The following YIPF3 variants were observed in gnomAD, a reference collection of about 807,000 sequenced individuals.
YIPF3 encodes the protein protein YIPF3.
In YIPF3, 18 loss-of-function variants were observed where a neutral mutation model predicts 40.3. The ratio of observed to expected loss-of-function variants is 0.45; its 90% confidence interval spans 0.31 to 0.66. YIPF3 has a LOEUF of 0.66. YIPF3 is among the 30% of genes least tolerant of loss of function. The pLI is 0.07. For synonymous variants in YIPF3, 190 were observed against 179.6 expected (o/e 1.06, Z -0.46); for missense variants, 406 against 452.2 (o/e 0.90, Z 0.93).
At chr6:43,515,101 C>G (rs1002731624) in intron 3 of YIPF3, 1 of 350,318 alleles carries the variant, frequency 2.9e-6, no homozygotes, top group African/African-American at 2.2e-5. Context: ...CAGGTTCATG[C>G]CATTCTCCTG....
At chr6:43,516,496 C>G (rs957184698) in intron 1 of YIPF3, 4 of 636,804 alleles carry the variant, frequency 6.3e-6, no homozygotes, top group Non-Finnish European at 1.1e-5. Context: ...CCAAGAATAC[C>G]TTCTTCCTAA....
At chr6:43,516,426 G>A (rs952786594) in intron 1 of YIPF3, 4 of 618,264 alleles carry the variant, frequency 6.5e-6, no homozygotes, top group African/African-American at 3.7e-5. Flanking sequence ...TTCAGCGAAT[G>A]CCAGTGAATC....
chr6:43,513,210 G>A lies in YIPF3; in HGVS notation c.535-10C>T, dbSNP rs1792707904. 4 of 1,613,994 alleles carry A rather than the reference G, an allele frequency of 2.5e-6. No individual in the cohort carries two copies. The African/African-American group carries it at 5.3e-5, about 22-fold the overall frequency. On this transcript the variant is annotated splice_polypyrimidine_tract_variant and intron_variant, in intron 5 of 8. Coordinates refer to ENST00000372422, the MANE Select transcript of YIPF3 (RefSeq NM_015388.4). ...TCAGGGTGCCCTCCCGCTGTGGGGT[G>A]AAGGCTCTATTTAGTCCTAGGAGGC... is the stretch of plus-strand genomic sequence containing the variant.
chr6:43,514,873 TAA>T (rs1023259766), intron 3 of YIPF3, among the ~76,000 whole-genome samples: 9 of 152,092 alleles, frequency 5.9e-5, no homozygotes, highest in Non-Finnish European at 1.2e-4. Flanking sequence ...GTGCTGGGAA[TAA>T]AAAGATAAAC....
intron 2 of YIPF3, 57 bp from the exon 3 acceptor site, chr6:43,515,758 G>A (rs1792800591): frequency 6.2e-7 from 1 of 1,606,726 alleles, no homozygotes; most frequent in South Asian, 1.1e-5. Context: ...AGATCCTGTT[G>A]CCTATTTTCC....
intron 1 of YIPF3, 50 bp downstream of exon 1, chr6:43,516,677 G>C: frequency 3.1e-6 from 5 of 1,601,678 alleles, no homozygotes; most frequent in Non-Finnish European, 3.4e-6. Context: ...GACACTTCTG[G>C]ACATCGCCGG....
intron 1 of YIPF3, 100 bp from the exon 2 acceptor site, chr6:43,516,195 G>A (rs1335477215): frequency 6.4e-7 from 1 of 1,550,932 alleles, no homozygotes; most frequent in African/African-American, 1.4e-5. Context: ...CCACTGCTGA[G>A]GATACGGCTT....
chr6:43,512,436 T>C lies in YIPF3; in HGVS notation c.904+4A>G, dbSNP rs1792690266. ...TCCCCCACCCAGACCTTCCTGCCAC[T>C]TACCCTCTACCACTTTGTGGTAGGC... is the stretch of plus-strand genomic sequence containing the variant. On this transcript the variant is annotated splice_donor_region_variant and intron_variant, in intron 8 of 8. Coordinates refer to ENST00000372422, the MANE Select transcript of YIPF3 (RefSeq NM_015388.4). 2 of 1,614,152 alleles carry C rather than the reference T, an allele frequency of 1.2e-6. No homozygotes were observed. The highest frequency in any genetic ancestry group is 1.7e-6 in the Non-Finnish European group (2 of 1,180,024).
At chr6:43,513,045 T>G in intron 6 of YIPF3, 24 bp downstream of exon 6, 1 of 1,613,404 alleles carries the variant, frequency 6.2e-7, no homozygotes, top group Non-Finnish European at 8.5e-7. Context: ...ACATCACTCT[T>G]GCCCACCACA....
chr6:43,516,836 C>G lies in YIPF3; in HGVS notation c.-29G>C. 1 of 1,556,562 alleles carries G rather than the reference C, an allele frequency of 6.4e-7. No individual in the cohort carries two copies. Among genetic ancestry groups the G allele is most frequent in the Non-Finnish European group, 8.7e-7 (1 of 1,149,782 alleles). ...CCTTGAGGGCTCCCGTCGCTGAAAC[C>G]CGCGCTAGCCCCGCGCGCGGAGTGG... On this transcript the variant is annotated 5_prime_UTR_variant, in exon 1 of 9. Transcript: ENST00000372422.
chr6:43,512,133 G>A lies in YIPF3; in HGVS notation c.*34C>T, dbSNP rs377265834. The A allele has an allele frequency of 1.2e-5, 19 of 1,613,550 alleles. No homozygotes were observed. Among genetic ancestry groups the A allele is most frequent in the African/African-American group, 5.3e-5 (4 of 74,912 alleles). On this transcript the variant is annotated 3_prime_UTR_variant, in exon 9 of 9. Transcript: ENST00000372422. ...TAGTCTTCCTCCTCTCTGCAGCTGC[G>A]GGAAAGAGGACTGGCCAAGAATTTC...
Position 43,512,046 on chromosome 6 carries a change from C to G in YIPF3, c.*121G>C. On this transcript the variant is annotated 3_prime_UTR_variant, in exon 9 of 9. Transcript: ENST00000372422. ...AGGCATCAAGGAGGTACTTACGCAG[C>G]TACAGCTCAGTGGCAGCTGCAAACC... is the stretch of plus-strand genomic sequence containing the variant. 1 of 1,477,678 alleles carries G rather than the reference C, an allele frequency of 6.8e-7. No homozygotes were observed. Among genetic ancestry groups the G allele is most frequent in the Admixed American group, 1.9e-5 (1 of 51,364 alleles). 91.5% of individuals were successfully genotyped at this position (1,477,678 alleles called of 1,614,324 possible).
Position 43,516,110 on chromosome 6 carries a change from G to T in YIPF3, c.82-15C>A, listed in dbSNP as rs1419825892. On this transcript the variant is annotated splice_polypyrimidine_tract_variant and intron_variant, in intron 1 of 8. Transcript: ENST00000372422. Reference sequence around the variant, plus strand: ...GAGCCTCCGCCCTGTGAAGACAATGGCTCCTAGAGTGCAGGACTTTTCTGT... The same window carrying T: ...GAGCCTCCGCCCTGTGAAGACAATGTCTCCTAGAGTGCAGGACTTTTCTGT... 7 of 1,613,892 alleles carry T rather than the reference G, an allele frequency of 4.3e-6. No individual in the cohort carries two copies. Among genetic ancestry groups the T allele is most frequent in the Non-Finnish European group, 5.1e-6 (6 of 1,179,956 alleles).
At chr6:43,512,915 GGCT>G (rs1792702870) in intron 6 of YIPF3, 41 bp from the exon 7 acceptor site, 2 of 1,603,188 alleles carry the variant, frequency 1.2e-6, no homozygotes, top group South Asian at 2.2e-5. Flanking sequence ...ATTCAGGTTG[GGCT>G]GCTTTCTGGC....
chr6:43,513,016 G>C, intron 6 of YIPF3, 53 bp downstream of exon 6: 1 of 1,608,522 alleles, frequency 6.2e-7, no homozygotes, highest in South Asian at 1.1e-5. Flanking sequence ...TGCCGACCAA[G>C]GCCTGGCTAC....
Position 43,512,303 on chromosome 6 carries a change from G to C in YIPF3, c.917C>G (p.Thr306Arg). Reference sequence around the variant, plus strand: ...GGGCGGGATGTTGGGGCCCTCCAGTGTGTCCAGGATCCCTGGAAGGAAGAT... The same window carrying C: ...GGGCGGGATGTTGGGGCCCTCCAGTCTGTCCAGGATCCCTGGAAGGAAGAT... ...YHKVVEGILD[T>R]LEGPNIPPIQ... Residue 306 changes from threonine (T) to arginine (R), a missense_variant, in exon 9 of 9, where the codon ACA (threonine) becomes AGA (arginine). Transcript: ENST00000372422. 6.2e-7 allele frequency: 1 copy of C among 1,610,680 alleles called. No homozygotes were observed. Among genetic ancestry groups the C allele is most frequent in the South Asian group, 1.1e-5 (1 of 90,586 alleles).
Position 43,515,871 on chromosome 6 carries a change from G to C in YIPF3, c.288+18C>G. On this transcript the variant is annotated intron_variant, in intron 2 of 8. Transcript: ENST00000372422. Reference sequence around the variant, plus strand: ...CTAGGTCTACTTTTCTACCTGCAGAGGATTCAATCTTGCTTACCTGATCTG... The same window carrying C: ...CTAGGTCTACTTTTCTACCTGCAGACGATTCAATCTTGCTTACCTGATCTG... 1 of 1,587,180 alleles carries C rather than the reference G, an allele frequency of 6.3e-7. No individual in the cohort carries two copies. Among genetic ancestry groups the C allele is most frequent in the Non-Finnish European group, 8.6e-7 (1 of 1,164,196 alleles).
intron 5 of YIPF3, 34 bp from the exon 6 acceptor site, chr6:43,513,234 G>A: frequency 6.2e-7 from 1 of 1,613,778 alleles, no homozygotes; most frequent in Non-Finnish European, 8.5e-7. Flanking sequence ...GTCCTAGGAG[G>A]CCTCTGATCT....
chr6:43,512,119 C>T lies in YIPF3; in HGVS notation c.*48G>A, dbSNP rs766027915. The T allele has an allele frequency of 3.1e-6, 5 of 1,611,928 alleles. No individual in the cohort carries two copies. Among genetic ancestry groups the T allele is most frequent in the African/African-American group, 1.3e-5 (1 of 74,894 alleles). ...GGACTGTCCTTTAATAGTCTTCCTC[C>T]TCTCTGCAGCTGCGGGAAAGAGGAC... On this transcript the variant is annotated 3_prime_UTR_variant, in exon 9 of 9. Transcript: ENST00000372422.
Sources: allele counts gnomAD v4.1 joint callset (sites outside exome capture counted in the v4.1 genomes callset), GRCh38; gene constraint gnomAD v4.1.1; transcripts MANE v1.5; gene names NCBI Gene and HGNC (gene_info 2026-07-23, HGNC 2026-07-21).